Variants in ITPKB observed in about 807,000 individuals in gnomAD.
ITPKB encodes the protein inositol-trisphosphate 3-kinase B.
A neutral mutation model predicts 69.4 loss-of-function variants in ITPKB; 13 were observed. That is an observed-to-expected ratio of 0.19 (90% CI 0.12 to 0.30). The LOEUF is 0.30. Among genes scored for constraint, ITPKB ranks in the 10% least tolerant of loss-of-function variants. The pLI, the probability that ITPKB is intolerant of heterozygous loss-of-function variation, is 1.00. For missense variants in ITPKB, 1,240 were observed against 1,250.5 expected (o/e 0.99, Z 0.13); for synonymous variants, 584 against 513.7 (o/e 1.14, Z -1.85).
chr1:226,737,712 G>T, intron 1 of ITPKB, 49 bp from the exon 2 acceptor site: 2 of 515,408 alleles, frequency 3.9e-6, no homozygotes, highest in Non-Finnish European at 5.2e-6. Context: ...GCGCGCGGGG[G>T]GAGTTGGGGG....
Position 226,637,327 on chromosome 1 carries a change from G to A in ITPKB, c.2625+352C>T, listed in dbSNP as rs147161334. Reference sequence around the variant, plus strand: ...TCATCTGAAGATGTAGGTGGCGGTCGGCGGGTGCCTGGCTACTCTAGCAGC... The same window carrying A: ...TCATCTGAAGATGTAGGTGGCGGTCAGCGGGTGCCTGGCTACTCTAGCAGC... On this transcript the variant is annotated intron_variant, in intron 7 of 7. Transcript: ENST00000429204. The surrounding 1 kb of genome is among the most constrained non-coding windows in gnomAD (Gnocchi z 4.3). 8.6e-4 allele frequency among the ~76,000 whole-genome samples: 131 copies of A among 152,310 alleles called. 1 individual carries two copies. The highest frequency in any genetic ancestry group is 2.9e-3 in the African/African-American group (120 of 41,574).
At chr1:226,715,721 A>C (rs1657078967) in intron 2 of ITPKB, among the ~76,000 whole-genome samples, 2 of 152,226 alleles carry the variant, frequency 1.3e-5, no homozygotes. Context: ...AGGTATTACA[A>C]GTTTTCTTTC....
chr1:226,669,872 T>G (rs75535417), intron 2 of ITPKB, among the ~76,000 whole-genome samples: 2,144 of 151,786 alleles, frequency 0.014, 104 homozygotes, highest in Admixed American at 0.08. Context: ...GGTTTGTTTT[T>G]TTTTTGTTTT....
intron 2 of ITPKB, among the ~76,000 whole-genome samples, chr1:226,688,137 C>G (rs1472777211): frequency 2.6e-5 from 4 of 152,184 alleles, no homozygotes; most frequent in Non-Finnish European, 4.4e-5. Context: ...GTTCACACTT[C>G]TGATAGGGTT....
At chr1:226,639,452 C>T in intron 6 of ITPKB, 105 bp downstream of exon 6, 1 of 782,578 alleles carries the variant, frequency 1.3e-6, no homozygotes, top group Non-Finnish European at 2.3e-6. Flanking sequence ...CTGGGGTGTG[C>T]TGTCCCTGGG....
chr1:226,677,211 C>T (rs537087951), intron 2 of ITPKB, among the ~76,000 whole-genome samples: 4 of 152,332 alleles, frequency 2.6e-5, no homozygotes, highest in East Asian at 1.9e-4. Context: ...GGATATTTAC[C>T]GAATCAGCCC....
intron 2 of ITPKB, among the ~76,000 whole-genome samples, chr1:226,658,477 C>A (rs765841386): frequency 2.0e-5 from 3 of 152,154 alleles, no homozygotes; most frequent in African/African-American, 7.2e-5. Flanking sequence ...CACCAAGGAT[C>A]GGAAAAATTA....
intron 2 of ITPKB, among the ~76,000 whole-genome samples, chr1:226,706,201 A>C (rs1656798302): frequency 6.6e-6 from 1 of 152,272 alleles, no homozygotes; most frequent in African/African-American, 2.4e-5. Flanking sequence ...AGAAAGATTA[A>C]GATGATGGGA....
intron 4 of ITPKB, among the ~76,000 whole-genome samples, chr1:226,644,482 G>T (rs1377043928): frequency 1.3e-5 from 2 of 152,184 alleles, no homozygotes; most frequent in Admixed American, 6.5e-5. Flanking sequence ...CTAGGGGCGG[G>T]CTCTCACCTG....
intron 2 of ITPKB, among the ~76,000 whole-genome samples, chr1:226,704,613 G>A (rs1020866364): frequency 6.6e-6 from 1 of 152,208 alleles, no homozygotes; most frequent in Non-Finnish European, 1.5e-5. Flanking sequence ...AGATAAAAGT[G>A]ACACTGGGAA....
In ITPKB at chr1:226,731,192, G is replaced by C. The variant is rs528833242; in HGVS notation, c.1932+4335C>G. ...CAGTTTCTAGACTTCAGTATCTGAGGGGGGACAATGCCCTGCTTTTTGTTT... is the reference window on the plus strand; with the variant it reads ...CAGTTTCTAGACTTCAGTATCTGAGCGGGGACAATGCCCTGCTTTTTGTTT... On this transcript the variant is annotated intron_variant, in intron 2 of 7. Transcript: ENST00000429204. 2.0e-5 allele frequency among the ~76,000 whole-genome samples: 3 copies of C among 152,176 alleles called. 1 individual carries two copies. Among genetic ancestry groups the C allele is most frequent in the African/African-American group, 2.4e-5 (1 of 41,428 alleles).
chr1:226,647,085 G>C, intron 4 of ITPKB, 82 bp downstream of exon 4: 1 of 1,309,192 alleles, frequency 7.6e-7, no homozygotes, highest in Non-Finnish European at 1.1e-6. Flanking sequence ...GAGGCCTCCG[G>C]GAAGCCCTGA....
intron 2 of ITPKB, among the ~76,000 whole-genome samples, chr1:226,656,271 G>C (rs1669285387): frequency 6.6e-6 from 1 of 152,198 alleles, no homozygotes; most frequent in Non-Finnish European, 1.5e-5. Context: ...TTTCCTGAGT[G>C]CCTGGCTGGG....
chr1:226,698,062 C>A (rs1273495323), intron 2 of ITPKB, among the ~76,000 whole-genome samples: 1 of 152,222 alleles, frequency 6.6e-6, no homozygotes, highest in African/African-American at 2.4e-5. Context: ...TCTGCCCAAC[C>A]GGTTCAAATC....
chr1:226,648,035 T>A (rs1406327954), intron 3 of ITPKB, among the ~76,000 whole-genome samples: 1 of 152,208 alleles, frequency 6.6e-6, no homozygotes, highest in Non-Finnish European at 1.5e-5. Context: ...CAGATGACAG[T>A]GCTTCCAGAG....
In ITPKB at chr1:226,642,077, C is replaced by G; in HGVS notation, c.2295G>C (p.Leu765=). The stretch of plus-strand genomic sequence containing the variant: ...TCATCTTCTGGTACATGTCCTTCCG[C>G]AGGCTGGGCTTCTTCCGGGCCTTCG... ...ELTKARKKPS[L]RKDMYQKMIE... The change falls in exon 5 of 8, where the codon CTG becomes CTC. Residue 765 remains leucine (L), a synonymous_variant. Transcript: ENST00000429204. This position sits in a 1 kb window ranked among gnomAD's most constrained non-coding sequence, Gnocchi z 6.4. 1 of 1,614,166 alleles carries G rather than the reference C, an allele frequency of 6.2e-7. No homozygotes were observed. Among genetic ancestry groups the G allele is most frequent in the Non-Finnish European group, 8.5e-7 (1 of 1,180,036 alleles).
intron 2 of ITPKB, among the ~76,000 whole-genome samples, chr1:226,649,749 G>A (rs1408855434): frequency 1.3e-5 from 2 of 151,828 alleles, no homozygotes; most frequent in Non-Finnish European, 2.9e-5. Context: ...GGTAAATGAC[G>A]AAGCTGGGAT....
At position 226,684,494 on chromosome 1, in the gene ITPKB, T is replaced by C. The variant is rs1201452707; in HGVS notation, c.1933-35723A>G. Among the ~76,000 whole-genome samples the C allele has an allele frequency of 3.3e-5, 5 of 152,154 alleles. No individual in the cohort carries two copies. In the East Asian group the frequency reaches 9.6e-4, roughly 29 times the overall value. On this transcript the variant is annotated intron_variant, in intron 2 of 7. Transcript: ENST00000429204. ...GGATAGAGCAACACTTTTTTTTTCT[T>C]TAACCAGGGAAGGGGACCCACAGAG...
intron 2 of ITPKB, among the ~76,000 whole-genome samples, chr1:226,721,784 C>T (rs974550090): frequency 6.6e-6 from 1 of 151,482 alleles, no homozygotes; most frequent in African/African-American, 2.4e-5. Context: ...CGTGAGCCAC[C>T]GCACCTGGCC....
Sources: allele counts gnomAD v4.1 joint callset (sites outside exome capture counted in the v4.1 genomes callset), GRCh38; gene constraint gnomAD v4.1.1; non-coding constraint Gnocchi (gnomAD v3.1); transcripts MANE v1.5; gene names NCBI Gene and HGNC (gene_info 2026-07-23, HGNC 2026-07-21).